Variants in ZNF618 observed in about 807,000 individuals in gnomAD.
The protein encoded by ZNF618 is neural precursor cell expressed, developmentally down-regulated 10.
ZNF618 carries 34 observed loss-of-function variants against 103.0 expected under a neutral mutation model. The observed-to-expected ratio is 0.33, with a 90% CI of 0.25 to 0.44. The LOEUF (loss-of-function observed/expected upper bound fraction) is 0.44. ZNF618 is among the 20% of genes least tolerant of loss of function. ZNF618 has a pLI of 1.00. For missense variants in ZNF618, 1,059 were observed against 1,295.4 expected (o/e 0.82, Z 2.80); for synonymous variants, 551 against 542.2 (o/e 1.02, Z -0.23).
intron 1 of ZNF618, among the ~76,000 whole-genome samples, chr9:113,919,832 C>T (rs760484611): frequency 4.6e-5 from 7 of 152,230 alleles, no homozygotes; most frequent in Non-Finnish European, 7.3e-5. Context: ...ACTGGCTCTT[C>T]GTAGTCTAAT....
At chr9:113,959,442 T>C (rs1377165707) in intron 1 of ZNF618, among the ~76,000 whole-genome samples, 1 of 152,202 alleles carries the variant, frequency 6.6e-6, no homozygotes, top group Non-Finnish European at 1.5e-5. Flanking sequence ...GAAACTGTTA[T>C]AGTACGTGTT....
chr9:113,907,444 C>T (rs1831083613), intron 1 of ZNF618, among the ~76,000 whole-genome samples: 1 of 152,224 alleles, frequency 6.6e-6, no homozygotes. Context: ...TGGCATTCTG[C>T]CCTCCCACTT....
chr9:113,920,947 C>T (rs1170069188), intron 1 of ZNF618, among the ~76,000 whole-genome samples: 2 of 152,178 alleles, frequency 1.3e-5, no homozygotes, highest in African/African-American at 4.8e-5. Flanking sequence ...ACCTGGGTAG[C>T]CCATTTCACA....
intron 1 of ZNF618, among the ~76,000 whole-genome samples, chr9:113,934,289 G>A (rs1165834241): frequency 6.6e-6 from 1 of 152,034 alleles, no homozygotes; most frequent in Non-Finnish European, 1.5e-5. Flanking sequence ...AAGTTAGAGG[G>A]TCCATGCTGT....
In ZNF618 at chr9:114,008,371, A is replaced by C; in HGVS notation, c.668A>C (p.Asn223Thr). 1 of 1,613,824 alleles carries C rather than the reference A, an allele frequency of 6.2e-7. No homozygotes were observed. The highest frequency in any genetic ancestry group is 8.5e-7 in the Non-Finnish European group (1 of 1,179,832). The change falls in exon 8 of 15, where the codon AAC becomes ACC. Residue 223 changes from asparagine (N) to threonine (T), a missense_variant. Asn to Thr is a moderately conservative substitution (Grantham distance 65). Coordinates refer to ENST00000374126, the MANE Select transcript of ZNF618 (RefSeq NM_001318042.2). Reference sequence around the variant, plus strand: ...TTTAGTGTGGAAGGGGCCCCTGAGAACCGGGCAGGTAAGTCCTTGGTGTCT... The same window carrying C: ...TTTAGTGTGGAAGGGGCCCCTGAGACCCGGGCAGGTAAGTCCTTGGTGTCT... ...DVFSVEGAPE[N>T]RADPFDQGVV...
chr9:113,882,339 C>G (rs1828605193), intron 1 of ZNF618, among the ~76,000 whole-genome samples: 1 of 152,276 alleles, frequency 6.6e-6, no homozygotes, highest in South Asian at 2.1e-4. Context: ...GCTTCTACAT[C>G]TGGGAAAAGA....
chr9:113,951,183 T>A (rs1835532389), intron 1 of ZNF618, among the ~76,000 whole-genome samples: 1 of 151,322 alleles, frequency 6.6e-6, no homozygotes, highest in Admixed American at 6.6e-5. Flanking sequence ...CTGGACTAGC[T>A]GTGTGGCTTT....
intron 1 of ZNF618, among the ~76,000 whole-genome samples, chr9:113,956,964 T>G (rs1272131533): frequency 6.6e-6 from 1 of 152,188 alleles, no homozygotes; most frequent in Non-Finnish European, 1.5e-5. Flanking sequence ...CCTTGTGAGG[T>G]CAGTACTGTT....
chr9:114,016,279 G>A (rs920467064), intron 9 of ZNF618: 5 of 948,226 alleles, frequency 5.3e-6, no homozygotes, highest in Non-Finnish European at 8.3e-6. Context: ...GGGACCCCGG[G>A]TGTGGCCACT....
In ZNF618 at chr9:113,943,684, T is replaced by A. The variant is rs999206254; in HGVS notation, c.34-25433T>A. Among the ~76,000 whole-genome samples the A allele has an allele frequency of 6.1e-4, 91 of 150,218 alleles. 2 individuals are homozygous for A. Among genetic ancestry groups the A allele is most frequent in the Admixed American group, 5.9e-3 (89 of 15,052 alleles). On this transcript the variant is annotated intron_variant, in intron 1 of 14. Transcript: ENST00000374126. ...ATGACCACTAATTGAAAAAAAAAGG[T>A]CTTATAAAACCCGAAAGTCCCACTC...
At chr9:113,900,683 G>T in intron 1 of ZNF618, among the ~76,000 whole-genome samples, 1 of 147,222 alleles carries the variant, frequency 6.8e-6, no homozygotes, top group Middle Eastern at 3.3e-3. Flanking sequence ...CCGCAAACCC[G>T]ACCTGCTGTC....
At chr9:114,026,630 C>A (rs1395579686) in intron 10 of ZNF618, among the ~76,000 whole-genome samples, 1 of 152,232 alleles carries the variant, frequency 6.6e-6, no homozygotes, top group Non-Finnish European at 1.5e-5. Context: ...CAGACTTGAG[C>A]CCTGTCTCAT....
intron 1 of ZNF618, among the ~76,000 whole-genome samples, chr9:113,917,540 C>T: frequency 6.6e-6 from 1 of 151,812 alleles, no homozygotes. Context: ...AGGCGTGAGC[C>T]ACCGTGTCTG....
intron 13 of ZNF618, among the ~76,000 whole-genome samples, chr9:114,037,186 C>T (rs1399581088): frequency 6.6e-6 from 1 of 152,176 alleles, no homozygotes; most frequent in African/African-American, 2.4e-5. Flanking sequence ...CCATTTACTT[C>T]TCACCCACAT....
chr9:113,962,294 C>T (rs918930953), intron 1 of ZNF618, among the ~76,000 whole-genome samples: 2 of 152,308 alleles, frequency 1.3e-5, no homozygotes, highest in African/African-American at 4.8e-5. Context: ...ATATTCAGAA[C>T]TCAACCTTTC....
In ZNF618 at chr9:114,002,011, G is replaced by T. The variant is rs781094784; in HGVS notation, c.449G>T (p.Gly150Val). ...LRYASGSYECGICGKKYKYYN... is the reference protein window; with the variant it reads ...LRYASGSYECVICGKKYKYYN... ...TGTTTTCCAGGGTCTTACGAATGCG[G>T]AATCTGTGGCAAGAAGTACAAGTAT... The change falls in exon 5 of 15, where the codon GGA becomes GTA. Residue 150 changes from glycine to valine, a missense_variant. Coordinates refer to ENST00000374126, the MANE Select transcript of ZNF618 (RefSeq NM_001318042.2). 2.5e-6 allele frequency: 4 copies of T among 1,613,962 alleles called. No individual in the cohort carries two copies. The South Asian group carries it at 4.4e-5, about 18-fold the overall frequency.
rs181577697 is a variant in ZNF618, at chr9:113,938,192, C to G, written c.34-30925C>G. Among the ~76,000 whole-genome samples the G allele has an allele frequency of 6.0e-3, 582 of 96,908 alleles. 17 individuals are homozygous for G. In the Admixed American group the frequency reaches 0.073, roughly 12 times the overall value. The allele number at this position is 96,908 out of a possible 152,430, so 63.6% of individuals were successfully genotyped here. ...TTTTTTTTTTTTTTTTTTTTTGAGACAGGGTCTTGCTCTGTTGCCCAGGCT... is the reference window on the plus strand; with the variant it reads ...TTTTTTTTTTTTTTTTTTTTTGAGAGAGGGTCTTGCTCTGTTGCCCAGGCT... On this transcript the variant is annotated intron_variant, in intron 1 of 14. Transcript: ENST00000374126.
chr9:113,915,584 C>T (rs1471260150), intron 1 of ZNF618, among the ~76,000 whole-genome samples: 1 of 152,108 alleles, frequency 6.6e-6, no homozygotes, highest in Non-Finnish European at 1.5e-5. Flanking sequence ...TTAGCCAAGG[C>T]TTTGTATGCA....
At position 114,008,533 on chromosome 9, in the gene ZNF618, C is replaced by G. The variant is rs779231322; in HGVS notation, c.733C>G (p.Pro245Ala). 1.2e-6 allele frequency: 2 copies of G among 1,613,964 alleles called. No individual in the cohort carries two copies. Among genetic ancestry groups the G allele is most frequent in the South Asian group, 2.2e-5 (2 of 91,070 alleles). Residue 245 changes from proline (P) to alanine (A), a missense_variant, in exon 9 of 15, where the codon CCA becomes GCA. Coordinates refer to ENST00000374126, the MANE Select transcript of ZNF618 (RefSeq NM_001318042.2). The stretch of plus-strand genomic sequence containing the variant: ...CGAGGTGAAGGAGGAGCCCCCGGAG[C>G]CATTCCAGAAAATCGGGCCAAGTAT... Reference protein sequence around the residue: ...TDEVKEEPPEPFQKIGPKTGN... With the variant: ...TDEVKEEPPEAFQKIGPKTGN...
Sources: allele counts gnomAD v4.1 joint callset (sites outside exome capture counted in the v4.1 genomes callset), GRCh38; gene constraint gnomAD v4.1.1; transcripts MANE v1.5; gene names NCBI Gene and HGNC (gene_info 2026-07-23, HGNC 2026-07-21).